DNAJC1: variants seen among roughly 807,000 people sequenced by gnomAD.
DNAJC1 encodes the protein dnaJ homolog subfamily C member 1.
In DNAJC1, 58 loss-of-function variants were observed where a neutral mutation model predicts 76.6. That is an observed-to-expected ratio of 0.76 (90% CI 0.61 to 0.94). The LOEUF (loss-of-function observed/expected upper bound fraction) is 0.94. Ranked by LOEUF, DNAJC1 falls within the 40% of genes least tolerant of loss-of-function variation. The pLI, the probability that DNAJC1 is intolerant of heterozygous loss-of-function variation, is 0.00. For synonymous variants in DNAJC1, 258 were observed against 267.9 expected (o/e 0.96, Z 0.36); for missense variants, 689 against 677.3 (o/e 1.02, Z -0.19).
intron 8 of DNAJC1, among the ~76,000 whole-genome samples, chr10:21,851,709 G>A (rs1427359623): frequency 2.6e-5 from 4 of 152,042 alleles, no homozygotes; most frequent in Admixed American, 2.0e-4. Context: ...TTTACAATAC[G>A]TAAAAGGTAG....
chr10:21,870,710 G>C (rs1269163405), intron 8 of DNAJC1, among the ~76,000 whole-genome samples: 1 of 152,082 alleles, frequency 6.6e-6, no homozygotes, highest in Non-Finnish European at 1.5e-5. Context: ...GGGAGTTCAA[G>C]GCTGCAGTGA....
chr10:21,900,313 A>G (rs902556975), intron 7 of DNAJC1, among the ~76,000 whole-genome samples: 2 of 151,548 alleles, frequency 1.3e-5, no homozygotes, highest in Non-Finnish European at 2.9e-5. Context: ...ACTGCACTTG[A>G]GCCTGGGTGG....
intron 9 of DNAJC1, among the ~76,000 whole-genome samples, chr10:21,775,336 T>C (rs923309962): frequency 3.9e-4 from 59 of 149,524 alleles, no homozygotes; most frequent in Non-Finnish European, 7.0e-4. Flanking sequence ...AATGGCTTTT[T>C]TTTTTTTTTT....
intron 1 of DNAJC1, among the ~76,000 whole-genome samples, chr10:21,955,545 AC>A (rs1837664803): frequency 6.6e-6 from 1 of 151,148 alleles, no homozygotes; most frequent in Non-Finnish European, 1.5e-5. Context: ...TTTTCTAATA[AC>A]AAAAATTATA....
intron 1 of DNAJC1, among the ~76,000 whole-genome samples, chr10:21,961,891 C>A (rs1837798274): frequency 6.6e-6 from 1 of 152,190 alleles, no homozygotes; most frequent in African/African-American, 2.4e-5. Context: ...ACTTTCTCCA[C>A]ACTCAGGCCT....
intron 8 of DNAJC1, among the ~76,000 whole-genome samples, chr10:21,870,258 TAATA>T (rs1220627030): frequency 2.6e-5 from 4 of 152,096 alleles, no homozygotes; most frequent in East Asian, 1.9e-4. Flanking sequence ...TATTCATTTG[TAATA>T]AATAAAAATT....
At chr10:21,956,479 CTA>C (rs1447922566) in intron 1 of DNAJC1, among the ~76,000 whole-genome samples, 1 of 151,622 alleles carries the variant, frequency 6.6e-6, no homozygotes, top group Admixed American at 6.6e-5. Flanking sequence ...TAAGAGGACA[CTA>C]GAGGTATTAT....
intron 8 of DNAJC1, among the ~76,000 whole-genome samples, chr10:21,823,599 A>T (rs1215428779): frequency 6.6e-6 from 1 of 152,090 alleles, no homozygotes; most frequent in Non-Finnish European, 1.5e-5. Context: ...ATGTCTTAAA[A>T]TTTCTGGCTT....
intron 1 of DNAJC1, among the ~76,000 whole-genome samples, chr10:21,996,013 A>G (rs890354686): frequency 5.3e-5 from 8 of 152,190 alleles, no homozygotes; most frequent in African/African-American, 1.9e-4. Flanking sequence ...TTTTACATTC[A>G]TTAGTATAGG....
intron 9 of DNAJC1, among the ~76,000 whole-genome samples, chr10:21,779,268 T>C (rs1176572544): frequency 3.3e-5 from 5 of 151,974 alleles, no homozygotes; most frequent in African/African-American, 9.7e-5. Flanking sequence ...AGAACGGAGT[T>C]TGAGATATGA....
Position 21,775,752 on chromosome 10 carries a change from ATAG to A in DNAJC1, c.1099-9446_1099-9444del, listed in dbSNP as rs1426029306. Among the ~76,000 whole-genome samples, 6 of 152,282 alleles carry A rather than the reference ATAG, an allele frequency of 3.9e-5. No individual in the cohort carries two copies. The South Asian group carries it at 1.0e-3, about 26-fold the overall frequency. ...TATATCATGTGCAGTTTCAGAAGAT[ATAG>A]GACTTTTTTGTAGCCTCGTCTTGGG... is the stretch of plus-strand genomic sequence containing the variant. On this transcript the variant is annotated intron_variant, in intron 9 of 11. Transcript: ENST00000376980.
chr10:21,806,127 A>G (rs1400464059), intron 8 of DNAJC1, 28 bp from the exon 9 acceptor site: 2 of 1,581,076 alleles, frequency 1.3e-6, no homozygotes, highest in Non-Finnish European at 1.7e-6. Flanking sequence ...AAATAAAAAA[A>G]GATAATTGGG....
chr10:21,877,299 CAT>C (rs3032394), intron 8 of DNAJC1, among the ~76,000 whole-genome samples: 115,215 of 149,634 alleles, frequency 0.77, 45,216 homozygotes, highest in East Asian at 0.98. Flanking sequence ...TATATATATA[CAT>C]ATATATATAT....
intron 9 of DNAJC1, 21 bp from the exon 10 acceptor site, chr10:21,766,330 A>G: frequency 1.2e-6 from 2 of 1,608,342 alleles, no homozygotes; most frequent in Non-Finnish European, 1.7e-6. Context: ...ACATAAAAGC[A>G]AAAATCTTAC....
intron 1 of DNAJC1, among the ~76,000 whole-genome samples, chr10:21,953,982 T>A (rs1407391135): frequency 6.6e-6 from 1 of 152,108 alleles, no homozygotes; most frequent in Admixed American, 6.5e-5. Context: ...TTGCCATATG[T>A]TTCTAGAAAA....
intron 9 of DNAJC1, chr10:21,785,517 T>G (rs542657848): frequency 6.6e-6 from 1 of 152,260 alleles, no homozygotes. Flanking sequence ...TAGCTTTCCA[T>G]GTCCTTTGAC....
At chr10:21,964,689 C>T (rs559177127) in intron 1 of DNAJC1, among the ~76,000 whole-genome samples, 1 of 149,114 alleles carries the variant, frequency 6.7e-6, no homozygotes, top group South Asian at 2.1e-4. Flanking sequence ...TTGGTATTTG[C>T]TTCAGAAAAA....
At chr10:21,957,835 C>G (rs947910045) in intron 1 of DNAJC1, among the ~76,000 whole-genome samples, 1 of 152,118 alleles carries the variant, frequency 6.6e-6, no homozygotes, top group African/African-American at 2.4e-5. Context: ...TGCTTACTTT[C>G]ATATATGTGT....
At chr10:21,891,211 A>G (rs1308414289) in intron 7 of DNAJC1, among the ~76,000 whole-genome samples, 2 of 152,084 alleles carry the variant, frequency 1.3e-5, no homozygotes, top group African/African-American at 4.8e-5. Flanking sequence ...TAAATAAAAA[A>G]TTACTTGACT....
Sources: allele counts gnomAD v4.1 joint callset (sites outside exome capture counted in the v4.1 genomes callset), GRCh38; gene constraint gnomAD v4.1.1; transcripts MANE v1.5; gene names NCBI Gene and HGNC (gene_info 2026-07-23, HGNC 2026-07-21).